Variants in MIEF1 observed in about 807,000 individuals in gnomAD.
The protein encoded by MIEF1 is mitochondrial dynamics protein MIEF1.
A neutral mutation model predicts 35.1 loss-of-function variants in MIEF1; 14 were observed. That is an observed-to-expected ratio of 0.40 (90% CI 0.26 to 0.62). The LOEUF (loss-of-function observed/expected upper bound fraction) is 0.62, where lower values mean the gene tolerates loss of function less well. MIEF1 is among the 20% of genes least tolerant of loss of function. The pLI, the probability that MIEF1 is intolerant of heterozygous loss-of-function variation, is 0.43. For missense variants in MIEF1, 542 were observed against 615.4 expected (o/e 0.88, Z 1.26); for synonymous variants, 245 against 254.3 (o/e 0.96, Z 0.35).
Position 39,515,477 on chromosome 22 carries a change from C to A in MIEF1, c.*1154C>A. On this transcript the variant is annotated 3_prime_UTR_variant, in exon 6 of 6. Transcript: ENST00000325301. The stretch of plus-strand genomic sequence containing the variant: ...TGTTTGCTGAGCGCTCCGGGCACGG[C>A]CAGAGGGCAAGTGAGCATGCACGGA... 1.5e-6 allele frequency: 1 copy of A among 645,960 alleles called. No individual in the cohort carries two copies. Among genetic ancestry groups the A allele is most frequent in the Non-Finnish European group, 2.8e-6 (1 of 352,488 alleles). The allele number at this position is 645,960 out of a possible 1,614,324, so 40.0% of individuals were successfully genotyped here. A position where few individuals can be genotyped will look rare whatever the true frequency, so the allele number is the denominator to read the frequency against.
chr22:39,500,931 A>G (rs1461373531), upstream of MIEF1, among the ~76,000 whole-genome samples: 2 of 152,044 alleles, frequency 1.3e-5, no homozygotes, highest in Non-Finnish European at 2.9e-5. Context: ...CCTGACCTCA[A>G]GTAGATCCGC....
At chr22:39,507,323 G>C (rs1413332299) in intron 2 of MIEF1, among the ~76,000 whole-genome samples, 1 of 151,990 alleles carries the variant, frequency 6.6e-6, no homozygotes, top group South Asian at 2.1e-4. Context: ...TTGGCTCACT[G>C]CAACCTCTGC....
upstream of MIEF1, among the ~76,000 whole-genome samples, chr22:39,501,393 A>G (rs1204672500): frequency 1.3e-5 from 2 of 152,200 alleles, no homozygotes; most frequent in Non-Finnish European, 1.5e-5. Flanking sequence ...AATCCTCACC[A>G]CAGCCCCAAG....
intron 1 of MIEF1, chr22:39,503,355 T>C (rs1569013584): frequency 6.6e-6 from 1 of 152,216 alleles, no homozygotes; most frequent in Non-Finnish European, 1.5e-5. Flanking sequence ...TTGCACGTTG[T>C]ATATAGTGCA....
Position 39,513,545 on chromosome 22 carries a change from T to C in MIEF1, c.614T>C (p.Ile205Thr). Residue 205 changes from isoleucine (I) to threonine (T), a missense_variant, in exon 6 of 6, where the codon ATT becomes ACT. Coordinates refer to ENST00000325301, the MANE Select transcript of MIEF1 (RefSeq NM_019008.6). ...GTGACAGCTGACCACATCCAACTCA[T>C]TGTGCCCCTTGTGCTGGAGCAGAAC... ...QVVTADHIQL[I>T]VPLVLEQNLW... The C allele has an allele frequency of 1.9e-6, 3 of 1,614,172 alleles. No homozygotes were observed. Among genetic ancestry groups the C allele is most frequent in the Non-Finnish European group, 2.5e-6 (3 of 1,180,014 alleles).
chr22:39,502,955 T>C (rs1471581527), intron 1 of MIEF1: 1 of 151,972 alleles, frequency 6.6e-6, no homozygotes, highest in African/African-American at 2.4e-5. Context: ...GGGCCCAAAG[T>C]CCAATCTTTT....
At chr22:39,501,315 C>T (rs562270727), upstream of MIEF1, among the ~76,000 whole-genome samples, 5 of 152,328 alleles carry the variant, frequency 3.3e-5, no homozygotes, top group African/African-American at 1.2e-4. Context: ...TCCTGGTTCT[C>T]GTCCTTTTAT....
Position 39,515,421 on chromosome 22 carries a change from T to C in MIEF1, c.*1098T>C, listed in dbSNP as rs539821023. The C allele has an allele frequency of 9.5e-5, 66 of 696,506 alleles. No individual in the cohort carries two copies. The African/African-American group carries it at 1.1e-3, about 11-fold the overall frequency. 43.1% of individuals were successfully genotyped at this position (696,506 alleles called of 1,614,324 possible). ...AGACCCAACAGCCAGCCCTTCATCCTCCAGCGTCTGCCATAGGAATGTGAG... is the reference window on the plus strand; with the variant it reads ...AGACCCAACAGCCAGCCCTTCATCCCCCAGCGTCTGCCATAGGAATGTGAG... On this transcript the variant is annotated 3_prime_UTR_variant, in exon 6 of 6. Coordinates refer to ENST00000325301, the MANE Select transcript of MIEF1 (RefSeq NM_019008.6).
Position 39,515,446 on chromosome 22 carries a change from GA to G in MIEF1, c.*1124del. 1 of 676,952 alleles carries G rather than the reference GA, an allele frequency of 1.5e-6. No homozygotes were observed. Among genetic ancestry groups the G allele is most frequent in the Non-Finnish European group, 2.7e-6 (1 of 365,534 alleles). The allele number at this position is 676,952 out of a possible 1,614,324, so 41.9% of individuals were successfully genotyped here. A position where few individuals can be genotyped will look rare whatever the true frequency, so the allele number is the denominator to read the frequency against. On this transcript the variant is annotated 3_prime_UTR_variant, in exon 6 of 6. Coordinates refer to ENST00000325301, the MANE Select transcript of MIEF1 (RefSeq NM_019008.6). ...TCCAGCGTCTGCCATAGGAATGTGAGAGGGGTGTTTGCTGAGCGCTCCGGGC... is the reference window on the plus strand; with the variant it reads ...TCCAGCGTCTGCCATAGGAATGTGAGGGGGTGTTTGCTGAGCGCTCCGGGC...
intron 2 of MIEF1, among the ~76,000 whole-genome samples, chr22:39,510,253 C>T (rs550134065): frequency 4.4e-4 from 67 of 152,068 alleles, no homozygotes; most frequent in African/African-American, 9.6e-4. Flanking sequence ...TCACCGTGCC[C>T]GGCCCATTTT....
upstream of MIEF1, among the ~76,000 whole-genome samples, chr22:39,501,000 C>T (rs967355300): frequency 6.6e-6 from 1 of 152,076 alleles, no homozygotes; most frequent in Non-Finnish European, 1.5e-5. Flanking sequence ...CCCAGCCCTG[C>T]AACAGACTCT....
At position 39,514,481 on chromosome 22, in the gene MIEF1, C is replaced by T. The variant is rs1458083289; in HGVS notation, c.*158C>T. On this transcript the variant is annotated 3_prime_UTR_variant, in exon 6 of 6. Coordinates refer to ENST00000325301, the MANE Select transcript of MIEF1 (RefSeq NM_019008.6). ...ATGCTGATTAGAATGACATCTCTTT[C>T]GTCTCCTATTTTGTTACCCAACTCT... 7.2e-6 allele frequency: 5 copies of T among 689,932 alleles called. No homozygotes were observed. The highest frequency in any genetic ancestry group is 1.9e-5 in the South Asian group (1 of 52,454). The allele number at this position is 689,932 out of a possible 1,614,324, so 42.7% of individuals were successfully genotyped here.
In MIEF1 at chr22:39,513,883, C is replaced by T. The variant is rs747452310; in HGVS notation, c.952C>T (p.Leu318Phe). Residue 318 changes from leucine to phenylalanine, a missense_variant, in exon 6 of 6, where the codon CTC becomes TTC. Transcript: ENST00000325301. ...CATTGACTTCCTGCCATCAGTGACCCTCGGTGACACAGTCTTGGTGGCCAA... is the reference window on the plus strand; with the variant it reads ...CATTGACTTCCTGCCATCAGTGACCTTCGGTGACACAGTCTTGGTGGCCAA... ...LFIDFLPSVT[L>F]GDTVLVAKPH... The T allele has an allele frequency of 9.9e-6, 16 of 1,614,012 alleles. No homozygotes were observed. The highest frequency in any genetic ancestry group is 1.3e-5 in the African/African-American group (1 of 74,944).
chr22:39,512,481 A>T lies in MIEF1; in HGVS notation c.572A>T (p.Tyr191Phe), dbSNP rs148957894. 1 of 1,611,614 alleles carries T rather than the reference A, an allele frequency of 6.2e-7. No individual in the cohort carries two copies. Among genetic ancestry groups the T allele is most frequent in the African/African-American group, 1.3e-5 (1 of 74,894 alleles). ...GACATGTACTTGAGTGGCAGCCTCT[A>T]CGATGACCTGCAGGTAACAAGGTGG... ...LRDMYLSGSL[Y>F]DDLQVVTADH... Residue 191 changes from tyrosine to phenylalanine, a missense_variant, in exon 5 of 6, where the codon TAC becomes TTC. Tyr to Phe is a conservative substitution (Grantham distance 22). Transcript: ENST00000325301.
chr22:39,509,460 G>T (rs749160954), intron 2 of MIEF1: 6 of 152,270 alleles, frequency 3.9e-5, no homozygotes, highest in Non-Finnish European at 8.8e-5. Flanking sequence ...GCTTATCTGG[G>T]GACTGCTGCT....
At chr22:39,512,619 C>G in intron 5 of MIEF1, 125 bp downstream of exon 5, 1 of 1,251,404 alleles carries the variant, frequency 8.0e-7, no homozygotes, top group East Asian at 2.4e-5. Flanking sequence ...TCCTGTGTAC[C>G]TCAGCAGCAT....
At chr22:39,512,557 C>T in intron 5 of MIEF1, 63 bp downstream of exon 5, 1 of 1,545,982 alleles carries the variant, frequency 6.5e-7, no homozygotes, top group Non-Finnish European at 8.7e-7. Flanking sequence ...GTTGTTGGCA[C>T]AGATCAGTGT....
Position 39,503,595 on chromosome 22 carries a change from G to A in MIEF1, c.-339-608G>A, listed in dbSNP as rs540256918. 5.9e-5 allele frequency: 9 copies of A among 152,328 alleles called. No homozygotes were observed. In the East Asian group the frequency reaches 1.7e-3, roughly 29 times the overall value. 9.4% of individuals were successfully genotyped at this position (152,328 alleles called of 1,614,324 possible). A position where few individuals can be genotyped will look rare whatever the true frequency, so the allele number is the denominator to read the frequency against. Reference sequence around the variant, plus strand: ...ATCTGCTGTTGATAGAGTGCTTCGTGTGTGCCAAGTGCTGTTCTAAACATA... The same window carrying A: ...ATCTGCTGTTGATAGAGTGCTTCGTATGTGCCAAGTGCTGTTCTAAACATA... On this transcript the variant is annotated intron_variant, in intron 1 of 5. Transcript: ENST00000325301.
At chr22:39,508,162 C>T (rs980398088) in intron 2 of MIEF1, among the ~76,000 whole-genome samples, 1 of 152,198 alleles carries the variant, frequency 6.6e-6, no homozygotes. Flanking sequence ...GTGATTTGGT[C>T]CCACGCGGGG....
Sources: gnomAD v4.1 joint callset for allele counts (sites outside exome capture counted in the v4.1 genomes callset) on GRCh38, gnomAD v4.1.1 for gene constraint, MANE v1.5 for transcripts, NCBI Gene and HGNC (gene_info 2026-07-23, HGNC 2026-07-21) for gene names.